The following PURG variants were observed in gnomAD, a reference collection of about 807,000 sequenced individuals.
PURG encodes the protein purine-rich element-binding protein gamma.
PURG carries 3 observed loss-of-function variants against 24.3 expected under a neutral mutation model. The ratio of observed to expected loss-of-function variants is 0.12; its 90% CI spans 0.06 to 0.32. The LOEUF (loss-of-function observed/expected upper bound fraction) is 0.32. Among genes scored for constraint, PURG ranks in the 10% least tolerant of loss-of-function variants. The probability of loss-of-function intolerance (pLI) is 1.00; values close to 1 mark genes in which losing one functional copy is unlikely to be tolerated. For synonymous variants in PURG, 180 were observed against 173.1 expected (o/e 1.04, Z -0.31); for missense variants, 371 against 439.1 (o/e 0.84, Z 1.39).
At chr8:31,010,349 A>G in intron 1 of PURG, among the ~76,000 whole-genome samples, 2 of 152,128 alleles carry the variant, frequency 1.3e-5, no homozygotes, top group Middle Eastern at 3.2e-3. Flanking sequence ...ACAGAGGACA[A>G]AGGCTCAGAG....
intron 1 of PURG, among the ~76,000 whole-genome samples, chr8:31,015,270 G>A (rs893427711): frequency 1.3e-5 from 2 of 152,088 alleles, no homozygotes; most frequent in Non-Finnish European, 2.9e-5. Context: ...TAACGCTACT[G>A]AACACAACAT....
intron 1 of PURG, among the ~76,000 whole-genome samples, chr8:31,023,945 C>T (rs1014399749): frequency 1.9e-4 from 29 of 151,952 alleles, no homozygotes; most frequent in Admixed American, 1.2e-3. Context: ...AATTCCTTTG[C>T]CATGCAGAAT....
intron 1 of PURG, among the ~76,000 whole-genome samples, chr8:30,999,866 AT>A: frequency 6.6e-6 from 1 of 152,028 alleles, no homozygotes; most frequent in South Asian, 2.1e-4. Context: ...CAAATACTAT[AT>A]AGTCAAAGCA....
At chr8:31,010,040 T>C (rs1810735496) in intron 1 of PURG, among the ~76,000 whole-genome samples, 1 of 151,912 alleles carries the variant, frequency 6.6e-6, no homozygotes, top group South Asian at 2.1e-4. Context: ...AAGGCTGCAG[T>C]GAGCCGTCAC....
At chr8:31,008,830 C>T (rs74896758) in intron 1 of PURG, among the ~76,000 whole-genome samples, 1 of 152,210 alleles carries the variant, frequency 6.6e-6, no homozygotes, top group Non-Finnish European at 1.5e-5. Context: ...GAACCCAGGA[C>T]TGGCTGACAC....
chr8:31,024,929 T>C (rs901888775), intron 1 of PURG, among the ~76,000 whole-genome samples: 1 of 151,962 alleles, frequency 6.6e-6, no homozygotes, highest in Admixed American at 6.6e-5. Context: ...ATAGAAAAAT[T>C]TTTTGCAAAA....
intron 1 of PURG, among the ~76,000 whole-genome samples, chr8:31,001,563 T>C (rs2129772561): frequency 6.6e-6 from 1 of 152,348 alleles, no homozygotes; most frequent in Admixed American, 6.5e-5. Context: ...GGCCAAAGAC[T>C]GGATCTTGTT....
chr8:31,019,213 C>A, intron 1 of PURG, among the ~76,000 whole-genome samples: 3 of 108,116 alleles, frequency 2.8e-5, no homozygotes, highest in East Asian at 2.9e-4. Flanking sequence ...TTTTGATCAA[C>A]ATATTAATTA....
At chr8:31,009,697 C>T (rs1313482539) in intron 1 of PURG, among the ~76,000 whole-genome samples, 1 of 152,134 alleles carries the variant, frequency 6.6e-6, no homozygotes, top group East Asian at 1.9e-4. Flanking sequence ...ATTTTGCATG[C>T]ACAAATGAGA....
At chr8:31,005,981 T>C (rs2129784856) in intron 1 of PURG, among the ~76,000 whole-genome samples, 1 of 152,228 alleles carries the variant, frequency 6.6e-6, no homozygotes, top group African/African-American at 2.4e-5. Context: ...TTTTACCTTA[T>C]GCCTCTTGGT....
At chr8:31,012,166 G>T (rs1046959211) in intron 1 of PURG, among the ~76,000 whole-genome samples, 2 of 152,114 alleles carry the variant, frequency 1.3e-5, no homozygotes, top group Non-Finnish European at 2.9e-5. Context: ...AACTGTCTCT[G>T]CTTTTAAACT....
At chr8:31,004,263 G>A (rs572270518) in intron 1 of PURG, among the ~76,000 whole-genome samples, 23 of 152,136 alleles carry the variant, frequency 1.5e-4, no homozygotes, top group Non-Finnish European at 2.8e-4. Flanking sequence ...ATCAAAATGA[G>A]TTTCTAATAA....
chr8:31,032,843 A>G lies in PURG; in HGVS notation c.-6-55T>C. 8.2e-7 allele frequency: 1 copy of G among 1,219,842 alleles called. No homozygotes were observed. Among genetic ancestry groups the G allele is most frequent in the Non-Finnish European group, 1.0e-6 (1 of 962,996 alleles). 75.6% of individuals were successfully genotyped at this position (1,219,842 alleles called of 1,614,324 possible). A position where few individuals can be genotyped will look rare whatever the true frequency, so the allele number is the denominator to read the frequency against. Reference sequence around the variant, plus strand: ...GGGTGGGGGAGGGGTGTTGAGAACAATCGCAGACGCCCCTCGGCCTGACCG... The same window carrying G: ...GGGTGGGGGAGGGGTGTTGAGAACAGTCGCAGACGCCCCTCGGCCTGACCG... On this transcript the variant is annotated intron_variant, in intron 1 of 1. Transcript: ENST00000523392. The surrounding 1 kb of genome is among the most constrained non-coding windows in gnomAD (Gnocchi z 5.9).
intron 1 of PURG, among the ~76,000 whole-genome samples, chr8:31,013,782 G>C (rs563850773): frequency 6.6e-6 from 1 of 152,266 alleles, no homozygotes; most frequent in South Asian, 2.1e-4. Context: ...TCCAGCTTAG[G>C]TTAGAAGCTG....
chr8:31,003,026 T>A (rs1305734200), intron 1 of PURG, among the ~76,000 whole-genome samples: 1 of 152,246 alleles, frequency 6.6e-6, no homozygotes, highest in Non-Finnish European at 1.5e-5. Flanking sequence ...ATGACAGCAC[T>A]GTGAGTTGCC....
chr8:31,010,241 A>C (rs79079527), intron 1 of PURG, among the ~76,000 whole-genome samples: 126 of 152,360 alleles, frequency 8.3e-4, no homozygotes, highest in Middle Eastern at 3.4e-3. Context: ...GCTATTCTGC[A>C]AAGCAGGTGC....
chr8:30,996,910 G>A (rs1810439511), intron 1 of PURG, among the ~76,000 whole-genome samples: 1 of 151,650 alleles, frequency 6.6e-6, no homozygotes, highest in African/African-American at 2.4e-5. Flanking sequence ...ATAGATACAG[G>A]TATATTCAGA....
At chr8:31,008,109 T>C (rs184705459) in intron 1 of PURG, among the ~76,000 whole-genome samples, 10 of 152,308 alleles carry the variant, frequency 6.6e-5, no homozygotes, top group Admixed American at 3.9e-4. Context: ...CCAATTCCCT[T>C]GCAGCTGCTA....
At chr8:30,997,256 C>T (rs938398740) in intron 1 of PURG, among the ~76,000 whole-genome samples, 1 of 151,756 alleles carries the variant, frequency 6.6e-6, no homozygotes, top group Non-Finnish European at 1.5e-5. Context: ...GAACAACAAT[C>T]TAACATTAAA....
Sources: gnomAD v4.1 joint callset for allele counts (sites outside exome capture counted in the v4.1 genomes callset) on GRCh38, gnomAD v4.1.1 for gene constraint, Gnocchi (gnomAD v3.1) non-coding constraint, MANE v1.5 for transcripts, NCBI Gene and HGNC (gene_info 2026-07-23, HGNC 2026-07-21) for gene names.